The following TOX variants were observed in gnomAD, a reference collection of about 807,000 sequenced individuals.
The protein encoded by TOX is thymocyte selection associated high mobility group box.
Under a neutral mutation model 53.7 loss-of-function variants are expected in TOX, and 11 were observed. The observed-to-expected ratio is 0.20, with a 90% CI of 0.13 to 0.34. The LOEUF (loss-of-function observed/expected upper bound fraction) is 0.34, where lower values mean the gene tolerates loss of function less well. TOX is among the 10% of genes least tolerant of loss of function. TOX has a pLI of 1.00. For synonymous variants in TOX, 225 were observed against 245.3 expected, an observed-to-expected ratio of 0.92 and a Z score of 0.77; for missense variants, 570 against 664.6, an observed-to-expected ratio of 0.86 and a Z score of 1.56.
intron 1 of TOX, among the ~76,000 whole-genome samples, chr8:59,076,033 G>A (rs140818503): frequency 4.6e-5 from 7 of 151,926 alleles, no homozygotes; most frequent in Non-Finnish European, 8.8e-5. Flanking sequence ...GGTCAGGAAG[G>A]GCCTACATGA....
At chr8:58,877,278 T>C (rs956267990) in intron 3 of TOX, among the ~76,000 whole-genome samples, 1 of 152,232 alleles carries the variant, frequency 6.6e-6, no homozygotes, top group Non-Finnish European at 1.5e-5. Flanking sequence ...GATTTTCCTA[T>C]AAACATGAAA....
chr8:58,863,410 A>G (rs16924124), intron 3 of TOX, among the ~76,000 whole-genome samples: 9,715 of 152,216 alleles, frequency 0.064, 342 homozygotes, highest in East Asian at 0.12. Context: ...TCCATGAATT[A>G]CCCTATTTAG....
chr8:58,816,682 A>G (rs1021062907), intron 6 of TOX, among the ~76,000 whole-genome samples: 8 of 152,246 alleles, frequency 5.3e-5, no homozygotes, highest in Admixed American at 3.9e-4. Context: ...TTGAGGACGC[A>G]TATATGCTTT....
intron 1 of TOX, among the ~76,000 whole-genome samples, chr8:59,110,600 A>G (rs1283496830): frequency 2.0e-5 from 3 of 152,140 alleles, no homozygotes; most frequent in African/African-American, 7.2e-5. Context: ...GAAGTCAGGA[A>G]CAAGAGGGCA....
intron 3 of TOX, among the ~76,000 whole-genome samples, chr8:58,868,810 G>T (rs1811146859): frequency 6.9e-6 from 1 of 144,222 alleles, no homozygotes; most frequent in Non-Finnish European, 1.5e-5. Context: ...CAGAAGAAAA[G>T]AAATAATCAA....
chr8:58,939,444 T>C lies in TOX; in HGVS notation c.269A>G (p.Glu90Gly). The C allele has an allele frequency of 6.2e-7, 1 of 1,614,142 alleles. No individual in the cohort carries two copies. The highest frequency in any genetic ancestry group is 8.5e-7 in the Non-Finnish European group (1 of 1,180,028). ...GTGACACAGAGAATGGTAACCAGACTCAACTTCATTCAGGTGCACCAGCGA... is the reference window on the plus strand; with the variant it reads ...GTGACACAGAGAATGGTAACCAGACCCAACTTCATTCAGGTGCACCAGCGA... ...DHSLVHLNEV[E>G]SGYHSLCHPM... The change falls in exon 3 of 9, where the codon GAG becomes GGG. Residue 90 changes from glutamate to glycine, a missense_variant. This residue lies in a region of TOX where 282 missense variants were observed against 315.0 expected (regional missense o/e 0.90). Transcript: ENST00000361421.
At chr8:58,963,997 G>C (rs746830196) in intron 1 of TOX, among the ~76,000 whole-genome samples, 9 of 152,136 alleles carry the variant, frequency 5.9e-5, no homozygotes, top group Non-Finnish European at 8.8e-5. Context: ...AGAATGGTTT[G>C]ATGGCTTTTT....
chr8:58,964,887 G>T (rs1347695326), intron 1 of TOX, among the ~76,000 whole-genome samples: 1 of 151,772 alleles, frequency 6.6e-6, no homozygotes, highest in Non-Finnish European at 1.5e-5. Flanking sequence ...GTGTGTGTGT[G>T]TGTGCACCCT....
At chr8:59,011,791 T>C (rs542540533) in intron 1 of TOX, among the ~76,000 whole-genome samples, 11 of 152,314 alleles carry the variant, frequency 7.2e-5, no homozygotes, top group African/African-American at 2.4e-4. Flanking sequence ...CAGAAGTGCC[T>C]ATCCTATTGC....
intron 1 of TOX, among the ~76,000 whole-genome samples, chr8:59,087,197 A>G (rs377264752): frequency 6.6e-6 from 1 of 152,246 alleles, no homozygotes; most frequent in Admixed American, 6.5e-5. Flanking sequence ...AGTCGAGCAC[A>G]TATCTTACAA....
chr8:59,014,016 C>G (rs1025447243), intron 1 of TOX, among the ~76,000 whole-genome samples: 5 of 152,082 alleles, frequency 3.3e-5, no homozygotes, highest in African/African-American at 1.2e-4. Context: ...GTTCTGTGGA[C>G]TAGACATTTT....
chr8:58,831,403 G>A (rs1810451901), intron 5 of TOX, among the ~76,000 whole-genome samples: 1 of 152,102 alleles, frequency 6.6e-6, no homozygotes, highest in Non-Finnish European at 1.5e-5. Context: ...CGCCTCCATT[G>A]TGTGCATTTT....
chr8:58,946,608 A>C (rs925014098), intron 2 of TOX, among the ~76,000 whole-genome samples: 1 of 152,238 alleles, frequency 6.6e-6, no homozygotes, highest in African/African-American at 2.4e-5. Context: ...AATAGCAATA[A>C]ATCATCTTCA....
Position 58,959,941 on chromosome 8 carries a change from A to G in TOX, c.168+2T>C. 1.2e-6 allele frequency: 2 copies of G among 1,614,092 alleles called. No individual in the cohort carries two copies. The highest frequency in any genetic ancestry group is 1.7e-6 in the Non-Finnish European group (2 of 1,180,000). ...CAAGGCAGAGAAGATTAATTAACCC[A>G]CCTGGCTGGCTGGCACATAGTCCTG... On this transcript the variant is annotated splice_donor_variant, in intron 2 of 8. Transcript: ENST00000361421. LOFTEE classifies it high-confidence loss of function.
intron 1 of TOX, among the ~76,000 whole-genome samples, chr8:59,026,488 A>C: frequency 6.6e-6 from 1 of 152,212 alleles, no homozygotes; most frequent in Non-Finnish European, 1.5e-5. Context: ...TGTACTTCAC[A>C]GCATTGTGCT....
At chr8:58,999,511 G>T (rs1479550821) in intron 1 of TOX, among the ~76,000 whole-genome samples, 1 of 152,172 alleles carries the variant, frequency 6.6e-6, no homozygotes, top group South Asian at 2.1e-4. Context: ...CCTGAAACGA[G>T]GTGGGAGGTG....
chr8:58,893,296 G>T (rs1811589125), intron 3 of TOX, among the ~76,000 whole-genome samples: 1 of 152,062 alleles, frequency 6.6e-6, no homozygotes, highest in South Asian at 2.1e-4. Context: ...TCTTCAGGTG[G>T]CAAGAAGATA....
chr8:58,865,874 G>A (rs1434385731), intron 3 of TOX, among the ~76,000 whole-genome samples: 12 of 120,694 alleles, frequency 9.9e-5, no homozygotes, highest in South Asian at 2.6e-4. Flanking sequence ...TCACTCTGTC[G>A]TCCAGGCTGG....
At chr8:58,991,220 G>A (rs1813439915) in intron 1 of TOX, among the ~76,000 whole-genome samples, 1 of 152,140 alleles carries the variant, frequency 6.6e-6, no homozygotes, top group Non-Finnish European at 1.5e-5. Flanking sequence ...GATAAAAATA[G>A]CTCCTAACTG....
Sources: gnomAD v4.1 joint callset for allele counts (sites outside exome capture counted in the v4.1 genomes callset) on GRCh38, gnomAD v4.1.1 for gene constraint, gnomAD v4.1.1 regional missense constraint, MANE v1.5 for transcripts, NCBI Gene and HGNC (gene_info 2026-07-23, HGNC 2026-07-21) for gene names.